Variants in ARAP1 observed in about 807,000 individuals in gnomAD.
The protein encoded by ARAP1 is arf-GAP with Rho-GAP domain, ANK repeat and PH domain-containing protein 1.
A neutral mutation model predicts 172.2 loss-of-function variants in ARAP1; 76 were observed. That is an observed-to-expected ratio of 0.44 (90% confidence interval 0.37 to 0.53). The LOEUF (loss-of-function observed/expected upper bound fraction) is 0.53, where lower values mean the gene tolerates loss of function less well. ARAP1 is among the 20% of genes least tolerant of loss of function. ARAP1 has a pLI of 0.00. For missense variants in ARAP1, 1,686 were observed against 1,977.5 expected (o/e 0.85, Z 2.80); for synonymous variants, 804 against 803.3 (o/e 1.00, Z -0.01).
intron 1 of ARAP1, among the ~76,000 whole-genome samples, chr11:72,751,290 A>C (rs1858524442): frequency 6.6e-6 from 1 of 152,106 alleles, no homozygotes; most frequent in Non-Finnish European, 1.5e-5. Context: ...CATTCCTCAG[A>C]CACACCATCC....
chr11:72,692,639 G>C, intron 30 of ARAP1, 114 bp downstream of exon 30: 3 of 1,391,074 alleles, frequency 2.2e-6, no homozygotes, highest in South Asian at 1.2e-5. Flanking sequence ...CAAGGGGGCA[G>C]GGATCCATGC....
chr11:72,739,619 C>T, intron 1 of ARAP1, among the ~76,000 whole-genome samples: 1 of 152,214 alleles, frequency 6.6e-6, no homozygotes, highest in East Asian at 1.9e-4. Flanking sequence ...AGTTTCCCCT[C>T]CACAAAGTAG....
At position 72,693,596 on chromosome 11, in the gene ARAP1, C is replaced by G. The variant is rs1029205073; in HGVS notation, c.3808+96G>C. On this transcript the variant is annotated intron_variant, in intron 28 of 34. Coordinates refer to ENST00000393609, the MANE Select transcript of ARAP1 (RefSeq NM_001040118.3). The surrounding 1 kb of genome is among the most constrained non-coding windows in gnomAD (Gnocchi z 4.6). The stretch of plus-strand genomic sequence containing the variant: ...TAGAGGCCCACCCACTTGGCGCCCT[C>G]TGTCTGAGCTGTTCCTACCTGGCAC... 29 of 1,527,754 alleles carry G rather than the reference C, an allele frequency of 1.9e-5. No homozygotes were observed. Among genetic ancestry groups the G allele is most frequent in the Non-Finnish European group, 2.3e-5 (26 of 1,131,862 alleles). The allele number at this position is 1,527,754 out of a possible 1,614,324, so 94.6% of individuals were successfully genotyped here. A position where few individuals can be genotyped will look rare whatever the true frequency, so the allele number is the denominator to read the frequency against.
chr11:72,747,207 C>T (rs932079529), intron 1 of ARAP1, among the ~76,000 whole-genome samples: 1 of 152,216 alleles, frequency 6.6e-6, no homozygotes, highest in Non-Finnish European at 1.5e-5. Context: ...GATCTTCTCC[C>T]ACCCTCTTGC....
chr11:72,716,534 A>G lies in ARAP1; in HGVS notation c.510-2213T>C, dbSNP rs145290352. ...CGGAGAGAAACTATAAGCAGATTCT[A>G]TATCTGGTAGAGAAACCGGAGCTTT... On this transcript the variant is annotated intron_variant, in intron 3 of 34. Transcript: ENST00000393609. Among the ~76,000 whole-genome samples, 455 of 152,388 alleles carry G rather than the reference A, an allele frequency of 3.0e-3. 1 individual carries two copies. Among genetic ancestry groups the G allele is most frequent in the Non-Finnish European group, 4.8e-3 (327 of 68,038 alleles).
At position 72,714,318 on chromosome 11, in the gene ARAP1, C is replaced by A. The variant is rs147666555; in HGVS notation, c.513G>T (p.Leu171=). ...GCAATGACTCCTCCTCCTTAGTGGG[C>A]AGGCTGGGAACACAACAAAAGTTGG... ...RTGPPRLLVS[L]PTKEEESLLP... is the part of the protein sequence containing the mutation. The change falls in exon 4 of 35, where the codon CTG becomes CTT. Residue 171 remains leucine (L), a synonymous_variant. Transcript: ENST00000393609. 1.8e-3 allele frequency: 2,755 copies of A among 1,547,932 alleles called. 5 individuals are homozygous for A. The highest frequency in any genetic ancestry group is 3.3e-3 in the Admixed American group (165 of 50,566).
chr11:72,716,344 T>C (rs981960166), intron 3 of ARAP1, among the ~76,000 whole-genome samples: 2 of 152,192 alleles, frequency 1.3e-5, no homozygotes, highest in African/African-American at 4.8e-5. Context: ...TCTCCAGGTG[T>C]AGATAAAAGT....
At chr11:72,688,028 C>G (rs1855767517) in intron 31 of ARAP1, among the ~76,000 whole-genome samples, 1 of 151,786 alleles carries the variant, frequency 6.6e-6, no homozygotes, top group Admixed American at 6.6e-5. Flanking sequence ...GAGATAGGCT[C>G]TCACTCTGTC....
chr11:72,701,594 C>T, intron 16 of ARAP1, 55 bp downstream of exon 16: 2 of 1,572,062 alleles, frequency 1.3e-6, no homozygotes, highest in Non-Finnish European at 1.7e-6. Flanking sequence ...CTTCCCTAGC[C>T]CTGCAGCCGT....
rs548239846 is a variant in ARAP1 at position 72,697,031 on chromosome 11, C to G, written c.3118G>C (p.Asp1040His). The G allele has an allele frequency of 6.2e-7, 1 of 1,609,786 alleles. No individual in the cohort carries two copies. The highest frequency in any genetic ancestry group is 1.1e-5 in the South Asian group (1 of 91,084). The change falls in exon 22 of 35, where the codon GAT becomes CAT. Residue 1040 changes from aspartate (D) to histidine (H), a missense_variant. By Grantham distance (81) the Asp-to-His change is moderately conservative (BLOSUM62 -1). Around this residue, in one of 5 missense-constraint regions of ARAP1, gnomAD observed 274 missense variants for 262.7 expected, o/e 1.04. Coordinates refer to ENST00000393609, the MANE Select transcript of ARAP1 (RefSeq NM_001040118.3). ...CGCTGGGCGCGAGTGAAGAGCCCAT[C>G]AGGCAGGTCGCGCAGGAAGCGCTTG... Reference protein sequence around the residue: ...ALKRFLRDLPDGLFTRAQRLT... With the variant: ...ALKRFLRDLPHGLFTRAQRLT...
chr11:72,716,509 C>A (rs954309319), intron 3 of ARAP1, among the ~76,000 whole-genome samples: 1 of 152,256 alleles, frequency 6.6e-6, no homozygotes, highest in African/African-American at 2.4e-5. Context: ...AGCATCTGGA[C>A]GGAGAGAAAC....
chr11:72,693,610 C>G lies in ARAP1; in HGVS notation c.3808+82G>C. 2 of 1,535,442 alleles carry G rather than the reference C, an allele frequency of 1.3e-6. No individual in the cohort carries two copies. Among genetic ancestry groups the G allele is most frequent in the South Asian group, 1.2e-5 (1 of 81,216 alleles). Reference sequence around the variant, plus strand: ...CTTGGCGCCCTCTGTCTGAGCTGTTCCTACCTGGCACCACCAGGTCCCACC... The same window carrying G: ...CTTGGCGCCCTCTGTCTGAGCTGTTGCTACCTGGCACCACCAGGTCCCACC... On this transcript the variant is annotated intron_variant, in intron 28 of 34. Transcript: ENST00000393609. This position sits in a 1 kb window ranked among gnomAD's most constrained non-coding sequence, Gnocchi z 4.6.
At position 72,695,119 on chromosome 11, in the gene ARAP1, T is replaced by A. The variant is rs1372593345; in HGVS notation, c.3577-22A>T. On this transcript the variant is annotated intron_variant, in intron 26 of 34. Coordinates refer to ENST00000393609, the MANE Select transcript of ARAP1 (RefSeq NM_001040118.3). This position sits in a 1 kb window ranked among gnomAD's most constrained non-coding sequence, Gnocchi z 4.4. ...GGACCTGCAAGGACCAAGGAGGAGA[T>A]TAGCCTGCCTGTGCCTAGCCCCTGC... 5.6e-6 allele frequency: 9 copies of A among 1,610,540 alleles called. No homozygotes were observed. Among genetic ancestry groups the A allele is most frequent in the Non-Finnish European group, 7.6e-6 (9 of 1,177,574 alleles).
Position 72,687,448 on chromosome 11 carries a change from C to T in ARAP1, c.4176G>A (p.Leu1392=), listed in dbSNP as rs999226901. The change falls in exon 33 of 35, where the codon CTG becomes CTA. Residue 1392 remains leucine (L), a synonymous_variant. Transcript: ENST00000393609. ...ACTCTGCACCTGGTACCTGCACAAA[C>T]AGAAAGGTAGCGAACCACTCCCGGA... ...MELREWFATF[L]FVQHDGLVWP... is the part of the protein sequence containing the mutation. The T allele has an allele frequency of 2.5e-6, 4 of 1,614,196 alleles. No homozygotes were observed. Among genetic ancestry groups the T allele is most frequent in the Non-Finnish European group, 3.4e-6 (4 of 1,180,026 alleles).
In ARAP1 at chr11:72,725,335, T is replaced by TCCC. The variant is rs1565227597; in HGVS notation, c.509+1282_509+1284dup. 1.3e-5 allele frequency among the ~76,000 whole-genome samples: 2 copies of TCCC among 150,280 alleles called. No homozygotes were observed. The highest frequency in any genetic ancestry group is 1.3e-4 in the Admixed American group (2 of 15,064). On this transcript the variant is annotated intron_variant, in intron 3 of 34. Transcript: ENST00000393609. This position sits in a 1 kb window ranked among gnomAD's most constrained non-coding sequence, Gnocchi z 4.3. ...CTCTCTCTCTTTTTCTCTCTCTCTC[T>TCCC]CCCCCCCACAAGCTGATGGGGTTGA... is the stretch of plus-strand genomic sequence containing the variant.
Position 72,712,083 on chromosome 11 carries a change from C to T in ARAP1, c.1022+113G>A, listed in dbSNP as rs535745416. On this transcript the variant is annotated intron_variant, in intron 7 of 34. Coordinates refer to ENST00000393609, the MANE Select transcript of ARAP1 (RefSeq NM_001040118.3). ...CTGGAGGGAGACCTGTGCAAATCAT[C>T]GCAGGCCCTTCTGGTTTTCAGATCA... is the stretch of plus-strand genomic sequence containing the variant. 103 of 1,388,500 alleles carry T rather than the reference C, an allele frequency of 7.4e-5. 1 individual carries two copies. In the South Asian group the frequency reaches 1.3e-3, roughly 18 times the overall value. 86.0% of individuals were successfully genotyped at this position (1,388,500 alleles called of 1,614,324 possible). A position where few individuals can be genotyped will look rare whatever the true frequency, so the allele number is the denominator to read the frequency against.
At chr11:72,722,407 AC>A (rs1857556267) in intron 3 of ARAP1, 4 of 962,726 alleles carry the variant, frequency 4.2e-6, no homozygotes, top group Non-Finnish European at 3.7e-6. Flanking sequence ...CCCAGGCTGC[AC>A]CCCCACCCAA....
chr11:72,692,968 C>G, intron 29 of ARAP1, 183 bp from the exon 30 acceptor site: 1 of 761,616 alleles, frequency 1.3e-6, no homozygotes, highest in Non-Finnish European at 2.2e-6. Flanking sequence ...AAGGGTGGCC[C>G]GGGAGGCATA....
chr11:72,708,874 T>C lies in ARAP1; in HGVS notation c.1523+996A>G, dbSNP rs185735685. ...CAACACGGCAAAACCCTGTCTCTAC[T>C]AAATATACAAAAATTAGCCGGGCGT... On this transcript the variant is annotated intron_variant, in intron 11 of 34. Coordinates refer to ENST00000393609, the MANE Select transcript of ARAP1 (RefSeq NM_001040118.3). Among the ~76,000 whole-genome samples the C allele has an allele frequency of 8.5e-5, 13 of 152,184 alleles. 3 individuals carry two copies. The highest frequency in any genetic ancestry group is 3.1e-4 in the African/African-American group (13 of 41,532).
Sources: allele counts gnomAD v4.1 joint callset (sites outside exome capture counted in the v4.1 genomes callset), GRCh38; gene constraint gnomAD v4.1.1; regional missense constraint gnomAD v4.1.1; non-coding constraint Gnocchi (gnomAD v3.1); transcripts MANE v1.5; gene names NCBI Gene and HGNC (gene_info 2026-07-23, HGNC 2026-07-21).